FIP1L1: variants seen among roughly 807,000 people sequenced by gnomAD.
FIP1L1 encodes factor interacting with PAPOLA and CPSF1, also known as pre-mRNA 3'-end-processing factor FIP1.
FIP1L1 carries 21 observed loss-of-function variants against 84.6 expected under a neutral mutation model. That is an observed-to-expected ratio of 0.25 (90% CI 0.18 to 0.36). The LOEUF (loss-of-function observed/expected upper bound fraction) is 0.36. Among genes scored for constraint, FIP1L1 ranks in the 10% least tolerant of loss-of-function variants. The probability of loss-of-function intolerance (pLI) is 1.00; values close to 1 mark genes in which losing one functional copy is unlikely to be tolerated. For synonymous variants in FIP1L1, 263 were observed against 242.3 expected, an observed-to-expected ratio of 1.09 and a Z score of -0.80; for missense variants, 526 against 751.1, an observed-to-expected ratio of 0.70 and a Z score of 3.50.
At chr4:53,420,213 A>AAAAAAAACAAAAAAAAAAAC (rs750967561) in intron 11 of FIP1L1, among the ~76,000 whole-genome samples, 1 of 133,738 alleles carries the variant, frequency 7.5e-6, no homozygotes, top group African/African-American at 3.2e-5. Flanking sequence ...AAAAAAAAAA[A>AAAAAAAACAAAAAAAAAAAC]AAAAAAAAAA....
At chr4:53,427,948 AT>A (rs1765016023) in intron 12 of FIP1L1, 78 bp from the exon 13 acceptor site, 5 of 1,205,698 alleles carry the variant, frequency 4.1e-6, no homozygotes, top group Non-Finnish European at 5.7e-6. Flanking sequence ...TGTTTCTTAG[AT>A]TAAATGAAAT....
chr4:53,384,635 T>C (rs1739935147), intron 5 of FIP1L1, among the ~76,000 whole-genome samples: 1 of 152,228 alleles, frequency 6.6e-6, no homozygotes, highest in African/African-American at 2.4e-5. Context: ...CCAATGTTTG[T>C]CTCCAATTTT....
At chr4:53,400,183 T>C (rs1489737727) in intron 10 of FIP1L1, among the ~76,000 whole-genome samples, 5 of 152,206 alleles carry the variant, frequency 3.3e-5, no homozygotes, top group African/African-American at 7.2e-5. Flanking sequence ...TAAAGAATTA[T>C]TGGACTTCTA....
At chr4:53,391,354 A>G (rs1744162246) in intron 8 of FIP1L1, 76 bp from the exon 9 acceptor site, 2 of 1,280,820 alleles carry the variant, frequency 1.6e-6, no homozygotes, top group Admixed American at 1.8e-5. Context: ...GACTAGCCAC[A>G]GCTAGTTTGT....
chr4:53,425,906 A>T lies in FIP1L1; in HGVS notation c.958A>T (p.Thr320Ser). The T allele has an allele frequency of 1.2e-6, 2 of 1,611,910 alleles. No individual in the cohort carries two copies. The highest frequency in any genetic ancestry group is 1.7e-6 in the Non-Finnish European group (2 of 1,178,472). ...TGGGGCAATTGATGTTATCGGTCAG[A>T]CTATAACTATCAGCCGAGTAGAAGG... ...LPGAIDVIGQ[T>S]ITISRVEGRR... Residue 320 changes from threonine (T) to serine (S), a missense_variant, in exon 12 of 18, where the codon ACT becomes TCT. Coordinates refer to ENST00000337488, the MANE Select transcript of FIP1L1 (RefSeq NM_030917.4).
intron 13 of FIP1L1, among the ~76,000 whole-genome samples, chr4:53,430,248 C>T (rs41397545): frequency 8.6e-5 from 13 of 151,174 alleles, no homozygotes; most frequent in Middle Eastern, 3.4e-3. Flanking sequence ...TAAGAATATT[C>T]GAAACTCCGT....
intron 10 of FIP1L1, among the ~76,000 whole-genome samples, chr4:53,408,662 A>C (rs1198078325): frequency 3.3e-5 from 5 of 152,146 alleles, no homozygotes; most frequent in Non-Finnish European, 7.4e-5. Context: ...CTTTTCACAT[A>C]GTCCCATATT....
Position 53,452,708 on chromosome 4 carries a change from T to C in FIP1L1, c.1286-212T>C, listed in dbSNP as rs530209683. Among the ~76,000 whole-genome samples, 9 of 152,340 alleles carry C rather than the reference T, an allele frequency of 5.9e-5. 1 individual carries two copies. In the South Asian group the frequency reaches 1.9e-3, roughly 32 times the overall value. On this transcript the variant is annotated intron_variant, in intron 15 of 17. Coordinates refer to ENST00000337488, the MANE Select transcript of FIP1L1 (RefSeq NM_030917.4). ...GTGGTCAACCTAATTCTGATTCCTG[T>C]TCACCTTGTATAATGAAGGGTCTTT...
chr4:53,428,295 A>C (rs907593064), intron 13 of FIP1L1, 112 bp downstream of exon 13: 42 of 1,029,254 alleles, frequency 4.1e-5, no homozygotes, highest in Non-Finnish European at 5.7e-5. Context: ...AAAGTAATAG[A>C]TATAATATCT....
chr4:53,389,577 G>C (rs527553317), intron 5 of FIP1L1, among the ~76,000 whole-genome samples: 1 of 152,104 alleles, frequency 6.6e-6, no homozygotes. Flanking sequence ...CAGCATTTTG[G>C]GAAGCCAAGG....
intron 9 of FIP1L1, among the ~76,000 whole-genome samples, chr4:53,397,647 C>G (rs1051657213): frequency 6.6e-6 from 1 of 152,236 alleles, no homozygotes; most frequent in African/African-American, 2.4e-5. Context: ...TGTAAATAGT[C>G]TGGAATATCT....
chr4:53,397,724 T>C (rs931389992), intron 9 of FIP1L1, among the ~76,000 whole-genome samples: 18 of 152,338 alleles, frequency 1.2e-4, no homozygotes, highest in East Asian at 5.8e-4. Flanking sequence ...TGATCGCAGA[T>C]TGGAATTTGG....
intron 10 of FIP1L1, among the ~76,000 whole-genome samples, chr4:53,400,991 A>G (rs1749942186): frequency 6.6e-6 from 1 of 152,204 alleles, no homozygotes; most frequent in Non-Finnish European, 1.5e-5. Flanking sequence ...CTCTGGAGTC[A>G]GATTTCTGGA....
Position 53,386,759 on chromosome 4 carries a change from T to G in FIP1L1, c.332+2883T>G, listed in dbSNP as rs182617494. Among the ~76,000 whole-genome samples, 3 of 152,340 alleles carry G rather than the reference T, an allele frequency of 2.0e-5. No individual in the cohort carries two copies. In the East Asian group the frequency reaches 5.8e-4, roughly 29 times the overall value. On this transcript the variant is annotated intron_variant, in intron 5 of 17. Coordinates refer to ENST00000337488, the MANE Select transcript of FIP1L1 (RefSeq NM_030917.4). ...TCACTTATGGAAGGAGTTAGGATGC[T>G]TTTGCTATGTCTTTGTAGACCTTGC...
chr4:53,419,749 T>C (rs901701921), intron 11 of FIP1L1, among the ~76,000 whole-genome samples: 8 of 152,154 alleles, frequency 5.3e-5, no homozygotes, highest in African/African-American at 1.9e-4. Flanking sequence ...CGGCCCCATA[T>C]ACCTTAAATG....
intron 10 of FIP1L1, among the ~76,000 whole-genome samples, chr4:53,410,768 T>C (rs1756816654): frequency 6.6e-6 from 1 of 152,216 alleles, no homozygotes; most frequent in South Asian, 2.1e-4. Flanking sequence ...CGCAATTACT[T>C]TTGCACTCAC....
chr4:53,397,284 G>C (rs1487955107), intron 9 of FIP1L1, among the ~76,000 whole-genome samples: 2 of 152,152 alleles, frequency 1.3e-5, no homozygotes, highest in Admixed American at 1.3e-4. Context: ...ATTCTTTTGG[G>C]TGGTTGAGTA....
chr4:53,432,550 G>A (rs1767257072), intron 13 of FIP1L1, among the ~76,000 whole-genome samples: 1 of 151,980 alleles, frequency 6.6e-6, no homozygotes, highest in African/African-American at 2.4e-5. Flanking sequence ...CATTACAGTG[G>A]TTTCATGCTT....
intron 13 of FIP1L1, among the ~76,000 whole-genome samples, chr4:53,432,091 C>T (rs1766947093): frequency 6.6e-6 from 1 of 152,092 alleles, no homozygotes; most frequent in African/African-American, 2.4e-5. Context: ...GCCATACTAA[C>T]AGTAGCTTGA....
Sources: allele counts gnomAD v4.1 joint callset (sites outside exome capture counted in the v4.1 genomes callset), GRCh38; gene constraint gnomAD v4.1.1; transcripts MANE v1.5; gene names NCBI Gene and HGNC (gene_info 2026-07-23, HGNC 2026-07-21).